Variants in SEMA3A observed in about 807,000 individuals in gnomAD.
The protein encoded by SEMA3A is semaphorin-3A.
SEMA3A carries 29 observed loss-of-function variants against 97.9 expected under a neutral mutation model. That is an observed-to-expected ratio of 0.30 (90% CI 0.22 to 0.40). The LOEUF is 0.40. Ranked by LOEUF, SEMA3A falls within the 10% of genes least tolerant of loss-of-function variation. The pLI is 1.00. For missense variants in SEMA3A, 763 were observed against 951.3 expected (o/e 0.80, Z 2.60); for synonymous variants, 321 against 323.7 (o/e 0.99, Z 0.09).
chr7:84,204,690 A>G (rs1399242312), intron 3 of SEMA3A, among the ~76,000 whole-genome samples: 2 of 152,204 alleles, frequency 1.3e-5, no homozygotes, highest in African/African-American at 2.4e-5. Flanking sequence ...ATACATTTTA[A>G]ATGTGCTAAA....
chr7:84,420,447 G>T (rs779995667), intron 1 of SEMA3A, among the ~76,000 whole-genome samples: 3 of 151,912 alleles, frequency 2.0e-5, no homozygotes, highest in Non-Finnish European at 4.4e-5. Flanking sequence ...TAGGAGATTT[G>T]AAAAGTCAGA....
At chr7:84,144,529 T>C (rs1362197343) in intron 1 of SEMA3A, among the ~76,000 whole-genome samples, 1 of 152,098 alleles carries the variant, frequency 6.6e-6, no homozygotes, top group African/African-American at 2.4e-5. Context: ...TAATAATTAA[T>C]AGAACTTATT....
chr7:84,071,970 GGATCT>G (rs1793759199), intron 4 of SEMA3A, among the ~76,000 whole-genome samples: 1 of 151,910 alleles, frequency 6.6e-6, no homozygotes, highest in Non-Finnish European at 1.5e-5. Context: ...AATAAGTTAA[GGATCT>G]GACACAGATG....
intron 3 of SEMA3A, among the ~76,000 whole-genome samples, chr7:84,119,294 T>G: frequency 6.6e-6 from 1 of 152,224 alleles, no homozygotes; most frequent in South Asian, 2.1e-4. Flanking sequence ...GCACCTAATT[T>G]GAATGGAATA....
intron 3 of SEMA3A, among the ~76,000 whole-genome samples, chr7:84,122,339 C>T (rs1341192104): frequency 2.6e-5 from 4 of 152,112 alleles, no homozygotes; most frequent in African/African-American, 4.8e-5. Context: ...CTCATCATCA[C>T]TGGCCATCAG....
intron 4 of SEMA3A, among the ~76,000 whole-genome samples, chr7:84,109,603 GTTATAAAGAAGTAACTACCAGGTCAATT>G (rs1490950295): frequency 9.2e-5 from 14 of 152,170 alleles, no homozygotes; most frequent in African/African-American, 3.1e-4. Context: ...TAAAGTTTAA[GTTATAAAGAAGTAACTACCAGGTCAATT>G]TTATCTTATC....
At chr7:84,270,626 T>C (rs998114399) in intron 3 of SEMA3A, among the ~76,000 whole-genome samples, 15 of 147,906 alleles carry the variant, frequency 1.0e-4, no homozygotes, top group African/African-American at 3.2e-4. Flanking sequence ...TATGCATATA[T>C]ATTCTATTCA....
At chr7:84,286,332 A>G (rs1410252197) in intron 3 of SEMA3A, among the ~76,000 whole-genome samples, 3 of 152,214 alleles carry the variant, frequency 2.0e-5, no homozygotes, top group African/African-American at 7.2e-5. Context: ...AGAACAGATC[A>G]AGAGTAATGT....
At chr7:84,029,805 CCATATACACA>C (rs1249646969) in intron 6 of SEMA3A, among the ~76,000 whole-genome samples, 5 of 106,834 alleles carry the variant, frequency 4.7e-5, no homozygotes, top group African/African-American at 1.2e-4. Flanking sequence ...CACATCCCTT[CCATATACACA>C]CACACACACA....
intron 4 of SEMA3A, among the ~76,000 whole-genome samples, chr7:84,079,110 TA>T (rs1259029320): frequency 2.0e-5 from 3 of 152,308 alleles, no homozygotes; most frequent in African/African-American, 7.2e-5. Flanking sequence ...TAAACAATTA[TA>T]ATTACATTAT....
chr7:84,234,752 G>A (rs1445718000), intron 3 of SEMA3A, among the ~76,000 whole-genome samples: 4 of 151,968 alleles, frequency 2.6e-5, no homozygotes, highest in Non-Finnish European at 4.4e-5. Context: ...ATAGCAGGCA[G>A]TTTCATTATT....
intron 2 of SEMA3A, among the ~76,000 whole-genome samples, chr7:84,366,458 T>G (rs981115402): frequency 6.6e-6 from 1 of 151,286 alleles, no homozygotes; most frequent in African/African-American, 2.4e-5. Context: ...TGATCAGTAT[T>G]CATTTACTAA....
At chr7:84,220,459 C>G (rs1346015497) in intron 3 of SEMA3A, among the ~76,000 whole-genome samples, 2 of 152,168 alleles carry the variant, frequency 1.3e-5, no homozygotes, top group South Asian at 2.1e-4. Flanking sequence ...TAGAATTAAT[C>G]ATTTCCAGGT....
intron 3 of SEMA3A, among the ~76,000 whole-genome samples, chr7:84,206,946 AC>A (rs1032223249): frequency 9.2e-5 from 14 of 152,142 alleles, no homozygotes; most frequent in African/African-American, 3.1e-4. Flanking sequence ...TTGATTACCC[AC>A]CTTTAAATAT....
At chr7:84,163,842 ATTTTTTTTTTT>A (rs551002141) in intron 1 of SEMA3A, among the ~76,000 whole-genome samples, 1 of 126,926 alleles carries the variant, frequency 7.9e-6, no homozygotes, top group East Asian at 2.4e-4. Flanking sequence ...ACACAGTACT[ATTTTTTTTTTT>A]TTTTTTTTTA....
chr7:83,993,484 T>G (rs1251207933), intron 12 of SEMA3A, among the ~76,000 whole-genome samples: 1 of 151,458 alleles, frequency 6.6e-6, no homozygotes, highest in African/African-American at 2.4e-5. Flanking sequence ...TAGTGCTTCC[T>G]TCAGGAGCTC....
chr7:84,470,956 G>A (rs1806130599), intron 1 of SEMA3A, among the ~76,000 whole-genome samples: 1 of 152,066 alleles, frequency 6.6e-6, no homozygotes, highest in Admixed American at 6.6e-5. Flanking sequence ...AACCAGTAAA[G>A]ATGGGAACTC....
intron 4 of SEMA3A, among the ~76,000 whole-genome samples, chr7:84,100,421 A>T (rs1794924730): frequency 6.6e-6 from 1 of 152,194 alleles, no homozygotes; most frequent in Non-Finnish European, 1.5e-5. Flanking sequence ...ATTACAAAAC[A>T]ATCATGAAAA....
intron 6 of SEMA3A, among the ~76,000 whole-genome samples, chr7:84,028,268 A>G (rs1012420365): frequency 1.7e-4 from 26 of 152,206 alleles, no homozygotes; most frequent in Non-Finnish European, 1.3e-4. Flanking sequence ...TATGCTTCCC[A>G]AAAATAAAAA....
Sources: allele counts gnomAD v4.1 joint callset (sites outside exome capture counted in the v4.1 genomes callset), GRCh38; gene constraint gnomAD v4.1.1; transcripts MANE v1.5; gene names NCBI Gene and HGNC (gene_info 2026-07-23, HGNC 2026-07-21).